Variants in MAU2 observed in about 807,000 individuals in gnomAD.
The protein encoded by MAU2 is MAU2 chromatid cohesion factor homolog.
Under a neutral mutation model 89.1 loss-of-function variants are expected in MAU2, and 9 were observed. The observed-to-expected ratio is 0.10, with a 90% confidence interval of 0.06 to 0.18. MAU2 has a LOEUF of 0.18. Among genes scored for constraint, MAU2 ranks in the 10% least tolerant of loss-of-function variants. The pLI, the probability that MAU2 is intolerant of heterozygous loss-of-function variation, is 1.00. For synonymous variants in MAU2, 357 were observed against 343.4 expected (o/e 1.04, Z -0.44); for missense variants, 425 against 803.5 (o/e 0.53, Z 5.69).
chr19:19,355,538 G>A, intron 18 of MAU2, 147 bp downstream of exon 18: 1 of 1,296,950 alleles, frequency 7.7e-7, no homozygotes, highest in Non-Finnish European at 1.1e-6. Flanking sequence ...ATGGCCATGG[G>A]CACCCCCACC....
chr19:19,335,871 C>T, intron 2 of MAU2, 136 bp downstream of exon 2: 1 of 997,228 alleles, frequency 1.0e-6, no homozygotes, highest in African/African-American at 1.6e-5. Context: ...TGGAGTGTCC[C>T]CCACCTGGCC....
At chr19:19,337,359 T>A (rs955021864) in intron 4 of MAU2, 94 bp downstream of exon 4, 1 of 967,628 alleles carries the variant, frequency 1.0e-6, no homozygotes, top group African/African-American at 1.6e-5. Context: ...GAGTCCACGA[T>A]GCGCAGACCC....
rs2048178196 is a variant in MAU2, at chr19:19,356,321, C to T, written c.*539C>T. 6.0e-6 allele frequency: 2 copies of T among 334,642 alleles called. No individual in the cohort carries two copies. The highest frequency in any genetic ancestry group is 4.1e-5 in the Admixed American group (1 of 24,322). 20.7% of individuals were successfully genotyped at this position (334,642 alleles called of 1,614,324 possible). ...AGATCCCAGCACTTTTCCCAGCTTT[C>T]TCTCCAGCATCAGTCCCTGCAGCAG... On this transcript the variant is annotated 3_prime_UTR_variant, in exon 19 of 19. Coordinates refer to ENST00000262815, the MANE Select transcript of MAU2 (RefSeq NM_015329.4).
At chr19:19,324,045 G>A (rs1010614707) in intron 1 of MAU2, among the ~76,000 whole-genome samples, 14 of 152,242 alleles carry the variant, frequency 9.2e-5, no homozygotes, top group African/African-American at 2.4e-4. Flanking sequence ...TTTTGGTGCC[G>A]GGGGATCAGC....
At chr19:19,326,683 C>CA (rs1555792822) in intron 1 of MAU2, among the ~76,000 whole-genome samples, 1 of 47,460 alleles carries the variant, frequency 2.1e-5, no homozygotes, top group South Asian at 5.9e-4. Context: ...GAGACTGTCT[C>CA]AAAAAAAAAT....
chr19:19,355,227 G>T, intron 17 of MAU2, 37 bp from the exon 18 acceptor site: 1 of 1,612,654 alleles, frequency 6.2e-7, no homozygotes, highest in Non-Finnish European at 8.5e-7. Flanking sequence ...GCAGTGACAG[G>T]GCAAGGCGGG....
chr19:19,351,293 C>T (rs370212680), intron 16 of MAU2, among the ~76,000 whole-genome samples: 1 of 151,934 alleles, frequency 6.6e-6, no homozygotes. Context: ...AGCGATCCAC[C>T]CACTTCAGCC....
chr19:19,323,237 C>G (rs1490432142), intron 1 of MAU2, among the ~76,000 whole-genome samples: 1 of 150,800 alleles, frequency 6.6e-6, no homozygotes, highest in Non-Finnish European at 1.5e-5. Context: ...GCTTTGTCAC[C>G]AGGCTGGAGT....
At position 19,357,662 on chromosome 19, in the gene MAU2, A is replaced by G. The variant is rs1024990206; in HGVS notation, c.*1880A>G. ...ACCTCAGAACTTAACATCTGTCCTG[A>G]TGTTAAAGTGCTTTTCATGACCACC... On this transcript the variant is annotated 3_prime_UTR_variant, in exon 19 of 19. Coordinates refer to ENST00000262815, the MANE Select transcript of MAU2 (RefSeq NM_015329.4). The G allele has an allele frequency of 6.6e-6, 1 of 152,420 alleles. No homozygotes were observed. Among genetic ancestry groups the G allele is most frequent in the Non-Finnish European group, 1.5e-5 (1 of 68,032 alleles). 9.4% of individuals were successfully genotyped at this position (152,420 alleles called of 1,614,324 possible).
intron 1 of MAU2, among the ~76,000 whole-genome samples, chr19:19,332,603 C>G (rs2061564967): frequency 6.6e-6 from 1 of 152,122 alleles, no homozygotes; most frequent in African/African-American, 2.4e-5. Flanking sequence ...TGGACGCCTT[C>G]CACAAGAGAA....
At chr19:19,325,422 C>T (rs1448231267) in intron 1 of MAU2, among the ~76,000 whole-genome samples, 5 of 152,226 alleles carry the variant, frequency 3.3e-5, no homozygotes, top group South Asian at 2.1e-4. Context: ...GTGATCCACC[C>T]GCCTTGGCCT....
At chr19:19,334,254 C>A (rs961276818) in intron 1 of MAU2, 8 of 985,552 alleles carry the variant, frequency 8.1e-6, no homozygotes, top group Non-Finnish European at 9.6e-6. Context: ...GACCCCGAGC[C>A]CCTCCTGTCC....
Position 19,321,046 on chromosome 19 carries a change from A to C in MAU2, c.187A>C (p.Ile63Leu), listed in dbSNP as rs770904152. 1 of 1,612,982 alleles carries C rather than the reference A, an allele frequency of 6.2e-7. No individual in the cohort carries two copies. Among genetic ancestry groups the C allele is most frequent in the Non-Finnish European group, 8.5e-7 (1 of 1,179,578 alleles). ...GTTCCCCTTCAAGCCGCCGCAGCGC[A>C]TCGAGGCCCGTACACACCTGCAGCT... ...AVFPFKPPQRIEARTHLQLGS... is the reference protein window; with the variant it reads ...AVFPFKPPQRLEARTHLQLGS... The change falls in exon 1 of 19, where the codon ATC becomes CTC. Residue 63 changes from isoleucine (I) to leucine (L), a missense_variant. By Grantham distance (5) the Ile-to-Leu change is conservative. Transcript: ENST00000262815.
At chr19:19,332,326 A>ATTTTTTTTT (rs35913129) in intron 1 of MAU2, among the ~76,000 whole-genome samples, 1 of 101,950 alleles carries the variant, frequency 9.8e-6, no homozygotes, top group East Asian at 3.0e-4. Flanking sequence ...TGCCTGGCTG[A>ATTTTTTTTT]TTTTTTTTTT....
chr19:19,331,370 C>T (rs952297173), intron 1 of MAU2, among the ~76,000 whole-genome samples: 24 of 151,774 alleles, frequency 1.6e-4, no homozygotes, highest in Non-Finnish European at 2.4e-4. Context: ...GGCGTGGTGG[C>T]GGGCGCCTGT....
chr19:19,357,593 C>G lies in MAU2; in HGVS notation c.*1811C>G, dbSNP rs1469518258. The G allele has an allele frequency of 6.6e-6, 1 of 152,488 alleles. No individual in the cohort carries two copies. Among genetic ancestry groups the G allele is most frequent in the Admixed American group, 6.6e-5 (1 of 15,238 alleles). 9.4% of individuals were successfully genotyped at this position (152,488 alleles called of 1,614,324 possible). A position where few individuals can be genotyped will look rare whatever the true frequency, so the allele number is the denominator to read the frequency against. ...TCCCCATCTATTTATTTAAGCCTTTCTTTGCTTGTAGGGCATTTTGTATGT... is the reference window on the plus strand; with the variant it reads ...TCCCCATCTATTTATTTAAGCCTTTGTTTGCTTGTAGGGCATTTTGTATGT... On this transcript the variant is annotated 3_prime_UTR_variant, in exon 19 of 19. Coordinates refer to ENST00000262815, the MANE Select transcript of MAU2 (RefSeq NM_015329.4).
intron 5 of MAU2, among the ~76,000 whole-genome samples, chr19:19,339,176 A>G (rs553376926): frequency 6.5e-4 from 99 of 152,210 alleles, no homozygotes; most frequent in Non-Finnish European, 1.3e-3. Flanking sequence ...GGGTCCGGGC[A>G]CAGTGGCTTA....
chr19:19,331,964 G>A (rs888158843), intron 1 of MAU2, among the ~76,000 whole-genome samples: 1 of 152,176 alleles, frequency 6.6e-6, no homozygotes, highest in Admixed American at 6.5e-5. Flanking sequence ...TGCCATTTAG[G>A]GCTTTGTGTC....
rs1245674184 is a variant in MAU2, at chr19:19,345,538, G to A, written c.1221+169G>A. On this transcript the variant is annotated intron_variant, in intron 12 of 18. Transcript: ENST00000262815. The surrounding 1 kb of genome is among the most constrained non-coding windows in gnomAD (Gnocchi z 4.9). Reference sequence around the variant, plus strand: ...ATGCCAGCCTTGGCAGTGACGCGCTGTTTATCTGGATAAGGGACAGCTATG... The same window carrying A: ...ATGCCAGCCTTGGCAGTGACGCGCTATTTATCTGGATAAGGGACAGCTATG... 2.0e-5 allele frequency among the ~76,000 whole-genome samples: 3 copies of A among 152,212 alleles called. No individual in the cohort carries two copies. Among genetic ancestry groups the A allele is most frequent in the African/African-American group, 7.2e-5 (3 of 41,452 alleles).
Sources: allele counts gnomAD v4.1 joint callset (sites outside exome capture counted in the v4.1 genomes callset), GRCh38; gene constraint gnomAD v4.1.1; non-coding constraint Gnocchi (gnomAD v3.1); transcripts MANE v1.5; gene names NCBI Gene and HGNC (gene_info 2026-07-23, HGNC 2026-07-21).